Variants in WDR37 observed in about 807,000 individuals in gnomAD.
WDR37 encodes the protein WD repeat domain 37.
In WDR37, 19 loss-of-function variants were observed where a neutral mutation model predicts 62.9. The ratio of observed to expected loss-of-function variants is 0.30; its 90% CI spans 0.21 to 0.44. WDR37 has a LOEUF of 0.44. Ranked by LOEUF, WDR37 falls within the 20% of genes least tolerant of loss-of-function variation. The pLI, the probability that WDR37 is intolerant of heterozygous loss-of-function variation, is 1.00. For synonymous variants in WDR37, 250 were observed against 260.9 expected (o/e 0.96, Z 0.40); for missense variants, 474 against 657.6 (o/e 0.72, Z 3.05).
chr10:1,099,385 G>C (rs1476425494), intron 9 of WDR37, among the ~76,000 whole-genome samples: 1 of 152,198 alleles, frequency 6.6e-6, no homozygotes, highest in African/African-American at 2.4e-5. Context: ...TGTGATTGTT[G>C]CAAGGATGAA....
chr10:1,127,586 G>C (rs1444447629), intron 13 of WDR37, among the ~76,000 whole-genome samples: 1 of 152,248 alleles, frequency 6.6e-6, no homozygotes. Context: ...TAGTGCTGGA[G>C]TAGGTGTCAC....
intron 1 of WDR37, among the ~76,000 whole-genome samples, chr10:1,071,402 T>C (rs1308839334): frequency 2.6e-5 from 4 of 152,174 alleles, no homozygotes; most frequent in African/African-American, 9.7e-5. Context: ...TGTGTGTAAA[T>C]ATATTACCTA....
In WDR37 at chr10:1,086,427, A is replaced by C; in HGVS notation, c.604+70A>C. 2.4e-6 allele frequency: 3 copies of C among 1,274,442 alleles called. No individual in the cohort carries two copies. The South Asian group carries it at 3.7e-5, about 16-fold the overall frequency. 78.9% of individuals were successfully genotyped at this position (1,274,442 alleles called of 1,614,324 possible). A position where few individuals can be genotyped will look rare whatever the true frequency, so the allele number is the denominator to read the frequency against. On this transcript the variant is annotated intron_variant, in intron 7 of 13. Coordinates refer to ENST00000263150, the MANE Select transcript of WDR37 (RefSeq NM_014023.4). ...CTCCAGTGTGTTTTTAAAATCGTGC[A>C]TGATAAAGCCAGCTGCTACTGTGTA...
At chr10:1,063,602 G>A (rs891578768) in intron 1 of WDR37, among the ~76,000 whole-genome samples, 4 of 152,174 alleles carry the variant, frequency 2.6e-5, no homozygotes, top group African/African-American at 9.7e-5. Context: ...TCTGCTGGGT[G>A]GTGACAGAGC....
Position 1,131,410 on chromosome 10 carries a change from T to C in WDR37, c.*2066T>C, listed in dbSNP as rs868262196. The C allele has an allele frequency of 3.3e-5, 5 of 152,386 alleles. No homozygotes were observed. In the Middle Eastern group the frequency reaches 0.01, roughly 311 times the overall value. The allele number at this position is 152,386 out of a possible 1,614,324, so 9.4% of individuals were successfully genotyped here. A position where few individuals can be genotyped will look rare whatever the true frequency, so the allele number is the denominator to read the frequency against. On this transcript the variant is annotated 3_prime_UTR_variant, in exon 14 of 14. Coordinates refer to ENST00000263150, the MANE Select transcript of WDR37 (RefSeq NM_014023.4). ...CAGATCTCTGCCAGATTAAACATTT[T>C]TGAAGCTTTTAAAAGTCAATATTCC...
At position 1,086,338 on chromosome 10, in the gene WDR37, C is replaced by T. The variant is rs750888991; in HGVS notation, c.585C>T (p.Tyr195=). The part of the protein sequence containing the change: ...SIETGKCLVK[Y]AGHVGSVNSI... ...AGACAGGGAAGTGCCTAGTCAAGTACGCAGGCCACGTGGGCTCAGGTAAGC... is the reference window on the plus strand; with the variant it reads ...AGACAGGGAAGTGCCTAGTCAAGTATGCAGGCCACGTGGGCTCAGGTAAGC... The change falls in exon 7 of 14, where the codon TAC becomes TAT. Residue 195 remains tyrosine, a synonymous_variant. Coordinates refer to ENST00000263150, the MANE Select transcript of WDR37 (RefSeq NM_014023.4). 2.7e-5 allele frequency: 44 copies of T among 1,613,990 alleles called. No individual in the cohort carries two copies. In the South Asian group the frequency reaches 2.7e-4, roughly 10 times the overall value.
intron 9 of WDR37, chr10:1,096,606 A>C (rs1004707212): frequency 1.2e-5 from 3 of 255,748 alleles, no homozygotes; most frequent in African/African-American, 6.6e-5. Flanking sequence ...GCACTGTGAG[A>C]AAATAAATGT....
At chr10:1,127,135 C>T (rs1004825184) in intron 13 of WDR37, among the ~76,000 whole-genome samples, 3 of 152,220 alleles carry the variant, frequency 2.0e-5, no homozygotes, top group Non-Finnish European at 2.9e-5. Context: ...TTTTGAAACA[C>T]AAATTCATGA....
intron 1 of WDR37, among the ~76,000 whole-genome samples, chr10:1,066,544 T>A (rs1833561068): frequency 6.6e-6 from 1 of 152,204 alleles, no homozygotes; most frequent in Non-Finnish European, 1.5e-5. Context: ...ATGTACAGAT[T>A]TAACACAATT....
At chr10:1,086,431 T>G in intron 7 of WDR37, 74 bp downstream of exon 7, 2 of 1,193,244 alleles carry the variant, frequency 1.7e-6, no homozygotes, top group Non-Finnish European at 2.5e-6. Flanking sequence ...TCGTGCATGA[T>G]AAAGCCAGCT....
chr10:1,066,615 G>A (rs1169530316), intron 1 of WDR37, among the ~76,000 whole-genome samples: 1 of 152,124 alleles, frequency 6.6e-6, no homozygotes, highest in South Asian at 2.1e-4. Flanking sequence ...AAATGTAAAA[G>A]GAAGGACAAA....
intron 13 of WDR37, among the ~76,000 whole-genome samples, chr10:1,128,278 C>G (rs568410447): frequency 3.3e-5 from 5 of 152,262 alleles, no homozygotes; most frequent in Non-Finnish European, 5.9e-5. Flanking sequence ...GCTGTAACAG[C>G]AACGTATCAG....
chr10:1,106,969 C>T (rs1011700253), intron 11 of WDR37, among the ~76,000 whole-genome samples: 5 of 152,188 alleles, frequency 3.3e-5, no homozygotes, highest in East Asian at 1.9e-4. Flanking sequence ...TAAACTGCTC[C>T]GTCCTGACAT....
At chr10:1,069,513 G>A (rs1040871931) in intron 1 of WDR37, among the ~76,000 whole-genome samples, 4 of 151,048 alleles carry the variant, frequency 2.6e-5, no homozygotes, top group South Asian at 2.1e-4. Context: ...TGGTTGGATC[G>A]TAACCATTAA....
rs749976330 is a variant in WDR37 at position 1,096,304 on chromosome 10, A to G, written c.726+58A>G. 5 of 1,563,876 alleles carry G rather than the reference A, an allele frequency of 3.2e-6. No homozygotes were observed. The South Asian group carries it at 5.6e-5, about 17-fold the overall frequency. On this transcript the variant is annotated intron_variant, in intron 9 of 13. Transcript: ENST00000263150. ...GATGCTGATGTCTGCGAATCTGAGAATCCATTTATGATATCTGTCATGGAC... is the reference window on the plus strand; with the variant it reads ...GATGCTGATGTCTGCGAATCTGAGAGTCCATTTATGATATCTGTCATGGAC...
chr10:1,090,304 A>G (rs1006434825), intron 7 of WDR37, among the ~76,000 whole-genome samples: 7 of 152,124 alleles, frequency 4.6e-5, no homozygotes, highest in Non-Finnish European at 1.0e-4. Flanking sequence ...GAGTACAGGC[A>G]CATGCCACCA....
chr10:1,063,404 AG>A (rs999924228), intron 1 of WDR37, among the ~76,000 whole-genome samples: 43 of 152,320 alleles, frequency 2.8e-4, no homozygotes, highest in African/African-American at 1.0e-3. Context: ...TGCTAATCAG[AG>A]AACTTTTCGG....
At chr10:1,076,039 C>G (rs961294494) in intron 2 of WDR37, among the ~76,000 whole-genome samples, 1 of 152,188 alleles carries the variant, frequency 6.6e-6, no homozygotes, top group Non-Finnish European at 1.5e-5. Flanking sequence ...CTTGGCCTCC[C>G]AAAGTGCTGG....
At chr10:1,068,759 GAA>G (rs1162659380) in intron 1 of WDR37, among the ~76,000 whole-genome samples, 2 of 152,070 alleles carry the variant, frequency 1.3e-5, no homozygotes, top group African/African-American at 4.8e-5. Flanking sequence ...ATACCCAAGA[GAA>G]ATAAAAGTAT....
Sources: gnomAD v4.1 joint callset for allele counts (sites outside exome capture counted in the v4.1 genomes callset) on GRCh38, gnomAD v4.1.1 for gene constraint, MANE v1.5 for transcripts, NCBI Gene and HGNC (gene_info 2026-07-23, HGNC 2026-07-21) for gene names.